The following FOXO3 variants were observed in gnomAD, a reference collection of about 807,000 sequenced individuals.
FOXO3 encodes the protein forkhead box protein O3.
Under a neutral mutation model 41.9 loss-of-function variants are expected in FOXO3, and 4 were observed. The observed-to-expected ratio is 0.10, with a 90% confidence interval of 0.05 to 0.22. The LOEUF is 0.22. FOXO3 is among the 10% of genes least tolerant of loss of function. The probability of loss-of-function intolerance (pLI) is 1.00; values close to 1 mark genes in which losing one functional copy is unlikely to be tolerated. For missense variants in FOXO3, 534 were observed against 906.8 expected, an observed-to-expected ratio of 0.59 and a Z score of 5.28; for synonymous variants, 318 against 389.3, an observed-to-expected ratio of 0.82 and a Z score of 2.16.
intron 1 of FOXO3, among the ~76,000 whole-genome samples, chr6:108,586,497 A>T (rs962554490): frequency 7.9e-5 from 12 of 152,016 alleles, no homozygotes; most frequent in African/African-American, 2.9e-4. Flanking sequence ...CCTTGTGAAT[A>T]TTTTTTTGAC....
At chr6:108,626,955 T>C (rs1166226873) in intron 1 of FOXO3, among the ~76,000 whole-genome samples, 1 of 152,208 alleles carries the variant, frequency 6.6e-6, no homozygotes, top group Admixed American at 6.5e-5. Flanking sequence ...CAGGAGTGGT[T>C]GTAGATGCCC....
rs775459697 is a variant in FOXO3, at chr6:108,561,321, C to G, written c.113C>G (p.Pro38Arg). Residue 38 changes from proline to arginine, a missense_variant, in exon 1 of 3, where the codon CCG becomes CGG. Physicochemically the swap from Pro to Arg is moderately radical, Grantham distance 103. Coordinates refer to ENST00000406360, the MANE Select transcript of FOXO3 (RefSeq NM_001455.4). ...TCCTGTACGTGGCCCCTGCAAAGGC[C>G]GGAGCTCCAAGCGAGCCCTGCCAAG... ...PRSCTWPLQR[P>R]ELQASPAKPS... 18 of 1,562,728 alleles carry G rather than the reference C, an allele frequency of 1.2e-5. No homozygotes were observed. The highest frequency in any genetic ancestry group is 1.5e-5 in the Non-Finnish European group (17 of 1,156,792).
chr6:108,613,101 G>A (rs1049781629), intron 1 of FOXO3, among the ~76,000 whole-genome samples: 1 of 152,180 alleles, frequency 6.6e-6, no homozygotes, highest in East Asian at 1.9e-4. Flanking sequence ...ACATTCCTGG[G>A]ATAAATCCCA....
intron 1 of FOXO3, among the ~76,000 whole-genome samples, chr6:108,579,621 G>A (rs1776353716): frequency 6.6e-6 from 1 of 152,194 alleles, no homozygotes; most frequent in Admixed American, 6.5e-5. Flanking sequence ...ACACACGTCA[G>A]TTGCTCATCC....
chr6:108,679,583 G>T (rs1003668969), intron 2 of FOXO3, among the ~76,000 whole-genome samples: 23 of 152,126 alleles, frequency 1.5e-4, no homozygotes, highest in African/African-American at 5.5e-4. Context: ...ATTCCCTTTG[G>T]GCTTTTCAAC....
intron 1 of FOXO3, among the ~76,000 whole-genome samples, chr6:108,568,619 T>G (rs9372190): frequency 0.13 from 19,741 of 152,224 alleles, 1,493 homozygotes; most frequent in South Asian, 0.27. Context: ...TTTTTGGATT[T>G]TATAATCAAC....
At chr6:108,589,822 A>G (rs911728839) in intron 1 of FOXO3, among the ~76,000 whole-genome samples, 1 of 152,244 alleles carries the variant, frequency 6.6e-6, no homozygotes, top group African/African-American at 2.4e-5. Context: ...AATTGTAAGT[A>G]TGTTAAAAAC....
At chr6:108,581,446 A>G (rs2802289) in intron 1 of FOXO3, among the ~76,000 whole-genome samples, 149,398 of 152,264 alleles carry the variant, frequency 0.98, 73,363 homozygotes, top group East Asian at 1. Flanking sequence ...AAGCCGTTAC[A>G]AAATTTCTTC....
At chr6:108,643,122 A>C (rs527802285) in intron 1 of FOXO3, among the ~76,000 whole-genome samples, 1 of 152,352 alleles carries the variant, frequency 6.6e-6, no homozygotes, top group South Asian at 2.1e-4. Flanking sequence ...ATAGACTTCT[A>C]AACTTTCATT....
intron 1 of FOXO3, chr6:108,639,579 A>G: frequency 1.0e-6 from 1 of 985,358 alleles, no homozygotes; most frequent in African/African-American, 1.7e-5. Flanking sequence ...TTCAGAAAGG[A>G]GCAAGTGGAG....
Position 108,592,470 on chromosome 6 carries a change from C to T in FOXO3, c.621+30641C>T, listed in dbSNP as rs550740164. 8.9e-4 allele frequency among the ~76,000 whole-genome samples: 136 copies of T among 152,312 alleles called. 1 individual carries two copies. The highest frequency in any genetic ancestry group is 1.7e-3 in the Non-Finnish European group (117 of 68,032). On this transcript the variant is annotated intron_variant, in intron 1 of 2. Coordinates refer to ENST00000406360, the MANE Select transcript of FOXO3 (RefSeq NM_001455.4). ...CGTCATCACTTAGGAGACTTTGCAT[C>T]TCATCTGCCTTCCTCCTAGCTCCAT...
At position 108,681,878 on chromosome 6, in the gene FOXO3, A is replaced by G. The variant is rs1289972163; in HGVS notation, c.*2086A>G. ...GATTCTTTAGTAATGTGCTGTATGC[A>G]AGAACTTTCCAGTAGCAGTGAAGGA... is the stretch of plus-strand genomic sequence containing the variant. On this transcript the variant is annotated 3_prime_UTR_variant, in exon 3 of 3. Coordinates refer to ENST00000406360, the MANE Select transcript of FOXO3 (RefSeq NM_001455.4). 1 of 152,044 alleles carries G rather than the reference A, an allele frequency of 6.6e-6. No individual in the cohort carries two copies. The highest frequency in any genetic ancestry group is 1.5e-5 in the Non-Finnish European group (1 of 67,966). The allele number at this position is 152,044 out of a possible 1,614,324, so 9.4% of individuals were successfully genotyped here.
chr6:108,612,577 G>A (rs1446624396), intron 1 of FOXO3, among the ~76,000 whole-genome samples: 1 of 152,014 alleles, frequency 6.6e-6, no homozygotes, highest in Non-Finnish European at 1.5e-5. Flanking sequence ...CTACTCAGGA[G>A]GCTGTGGCAG....
intron 1 of FOXO3, among the ~76,000 whole-genome samples, chr6:108,628,940 AG>A (rs1777885249): frequency 6.6e-6 from 1 of 151,904 alleles, no homozygotes; most frequent in Admixed American, 6.6e-5. Context: ...TTTTTTGCGA[AG>A]TGTCATGTAG....
At chr6:108,654,737 C>CT (rs61275551) in intron 1 of FOXO3, among the ~76,000 whole-genome samples, 3,393 of 136,958 alleles carry the variant, frequency 0.025, 113 homozygotes, top group African/African-American at 0.076. Context: ...AGAGCATCGT[C>CT]TTTTTTTTTT....
intron 1 of FOXO3, chr6:108,656,505 C>T: frequency 1.0e-6 from 1 of 985,304 alleles, no homozygotes; most frequent in Non-Finnish European, 1.2e-6. Flanking sequence ...GCCCTGGAAC[C>T]TTTTGGCTTA....
At chr6:108,574,705 G>A (rs1776214031) in intron 1 of FOXO3, among the ~76,000 whole-genome samples, 1 of 152,162 alleles carries the variant, frequency 6.6e-6, no homozygotes, top group African/African-American at 2.4e-5. Context: ...ACTTGCTTTT[G>A]TCTTCAAGGT....
At chr6:108,597,475 T>A (rs529674899) in intron 1 of FOXO3, among the ~76,000 whole-genome samples, 33 of 152,316 alleles carry the variant, frequency 2.2e-4, no homozygotes, top group African/African-American at 4.1e-4. Context: ...GCTTTTTTTT[T>A]AATTGGATCA....
chr6:108,561,530 C>A lies in FOXO3; in HGVS notation c.322C>A (p.Pro108Thr). 1 of 1,441,314 alleles carries A rather than the reference C, an allele frequency of 6.9e-7. No individual in the cohort carries two copies. The highest frequency in any genetic ancestry group is 9.0e-7 in the Non-Finnish European group (1 of 1,105,244). The allele number at this position is 1,441,314 out of a possible 1,614,324, so 89.3% of individuals were successfully genotyped here. ...GGTGCTGGCACCCGGAGGGCAAGAC[C>A]CCGGGTCTGGGCCAGCCACCGCGGC... The part of the protein sequence containing the change: ...ARVLAPGGQD[P>T]GSGPATAAGG... The change falls in exon 1 of 3, where the codon CCC becomes ACC. Residue 108 changes from proline (P) to threonine (T), a missense_variant. Coordinates refer to ENST00000406360, the MANE Select transcript of FOXO3 (RefSeq NM_001455.4).
Sources: allele counts gnomAD v4.1 joint callset (sites outside exome capture counted in the v4.1 genomes callset), GRCh38; gene constraint gnomAD v4.1.1; transcripts MANE v1.5; gene names NCBI Gene and HGNC (gene_info 2026-07-23, HGNC 2026-07-21).